Variants in ZDHHC13 observed in about 807,000 individuals in gnomAD.
ZDHHC13 encodes zDHHC palmitoyltransferase 13, also known as palmitoyltransferase ZDHHC13.
Under a neutral mutation model 86.0 loss-of-function variants are expected in ZDHHC13, and 85 were observed. That is an observed-to-expected ratio of 0.99 (90% confidence interval 0.83 to 1.18). The LOEUF (loss-of-function observed/expected upper bound fraction) is 1.18. Ranked by LOEUF, ZDHHC13 falls within the 50% of genes most tolerant of loss-of-function variation. The pLI, the probability that ZDHHC13 is intolerant of heterozygous loss-of-function variation, is 0.00. For missense variants in ZDHHC13, 711 were observed against 730.2 expected (o/e 0.97, Z 0.30); for synonymous variants, 263 against 246.4 (o/e 1.07, Z -0.63).
rs760527717 is a variant in ZDHHC13 at position 19,143,061 on chromosome 11, T to C, written c.111T>C (p.Asn37=). The C allele has an allele frequency of 2.5e-6, 4 of 1,613,154 alleles. No homozygotes were observed. The highest frequency in any genetic ancestry group is 3.3e-5 in the Admixed American group (2 of 59,868). The change falls in exon 2 of 17, where the codon AAT becomes AAC. Residue 37 remains asparagine, a synonymous_variant. Coordinates refer to ENST00000446113, the MANE Select transcript of ZDHHC13 (RefSeq NM_019028.3). Reference sequence around the variant, plus strand: ...CACATGAAAACAAAGAACTTGCCAATGCAAGAGAAGCTCTTCCTCTTATAG... The same window carrying C: ...CACATGAAAACAAAGAACTTGCCAACGCAAGAGAAGCTCTTCCTCTTATAG... ...ICAHENKELA[N]AREALPLIED...
At chr11:19,121,664 C>A (rs780625517) in intron 1 of ZDHHC13, among the ~76,000 whole-genome samples, 2 of 152,182 alleles carry the variant, frequency 1.3e-5, no homozygotes, top group Non-Finnish European at 2.9e-5. Context: ...ACATTGTAGG[C>A]AGCCATGTAG....
intron 9 of ZDHHC13, among the ~76,000 whole-genome samples, chr11:19,157,751 C>T (rs772647509): frequency 2.0e-5 from 3 of 152,122 alleles, no homozygotes; most frequent in Non-Finnish European, 4.4e-5. Flanking sequence ...TTTGGTTGTT[C>T]GTTTATTGTA....
At chr11:19,172,371 G>A (rs1025017962) in intron 15 of ZDHHC13, among the ~76,000 whole-genome samples, 2 of 151,982 alleles carry the variant, frequency 1.3e-5, no homozygotes, top group Non-Finnish European at 2.9e-5. Context: ...GTGCCCTGCC[G>A]CAGTTAGGTA....
intron 1 of ZDHHC13, among the ~76,000 whole-genome samples, chr11:19,137,429 G>A (rs1037382232): frequency 1.3e-5 from 2 of 151,926 alleles, no homozygotes; most frequent in Admixed American, 6.6e-5. Context: ...AGTCCTGAGC[G>A]ACCTACAAAG....
Position 19,164,377 on chromosome 11 carries a change from T to G in ZDHHC13, c.1296+14T>G. ...ACATCATGTCTTGTGAGTTTTTTCA[T>G]ATAATTTTTTTCCGTAGTGAAAGCA... On this transcript the variant is annotated intron_variant, in intron 12 of 16. Coordinates refer to ENST00000446113, the MANE Select transcript of ZDHHC13 (RefSeq NM_019028.3). 1 of 1,611,104 alleles carries G rather than the reference T, an allele frequency of 6.2e-7. No individual in the cohort carries two copies. The highest frequency in any genetic ancestry group is 1.7e-5 in the Admixed American group (1 of 59,692).
chr11:19,152,559 G>A lies in ZDHHC13; in HGVS notation c.748G>A (p.Gly250Arg). ...ACTTTTTACCCTACTCTTTTTTAAG[G>A]GAGAAACACCTCTTGATATGGCTCT... is the stretch of plus-strand genomic sequence containing the variant. ...GSSLDIQNVK[G>R]ETPLDMALQN... Residue 250 changes from glycine (G) to arginine (R), a missense_variant and splice_region_variant, in exon 8 of 17, where the codon GGA (glycine) becomes AGA (arginine). Gly to Arg is a moderately radical substitution (Grantham distance 125). Transcript: ENST00000446113. 6.2e-7 allele frequency: 1 copy of A among 1,603,254 alleles called. No homozygotes were observed. The highest frequency in any genetic ancestry group is 8.5e-7 in the Non-Finnish European group (1 of 1,176,048).
At chr11:19,132,316 T>G (rs1156858725) in intron 1 of ZDHHC13, among the ~76,000 whole-genome samples, 2 of 152,190 alleles carry the variant, frequency 1.3e-5, no homozygotes, top group Non-Finnish European at 2.9e-5. Context: ...TTATTCCAGA[T>G]ATAGTTCATC....
chr11:19,137,787 T>C (rs1269117791), intron 1 of ZDHHC13, among the ~76,000 whole-genome samples: 2 of 152,218 alleles, frequency 1.3e-5, no homozygotes, highest in Non-Finnish European at 2.9e-5. Flanking sequence ...ACATGGAAAC[T>C]GAACAACCTG....
At chr11:19,123,068 C>T (rs1424935460) in intron 1 of ZDHHC13, among the ~76,000 whole-genome samples, 1 of 152,212 alleles carries the variant, frequency 6.6e-6, no homozygotes, top group Non-Finnish European at 1.5e-5. Context: ...ACATATCTCC[C>T]TTATTAGACT....
chr11:19,170,603 A>G (rs766650937), intron 15 of ZDHHC13, 35 bp downstream of exon 15: 1 of 1,491,246 alleles, frequency 6.7e-7, no homozygotes, highest in East Asian at 2.5e-5. Context: ...GCTTTGAGTA[A>G]AATTTCTAAA....
At chr11:19,171,171 A>G (rs1051043051) in intron 15 of ZDHHC13, among the ~76,000 whole-genome samples, 2 of 152,128 alleles carry the variant, frequency 1.3e-5, no homozygotes, top group Non-Finnish European at 2.9e-5. Context: ...AGAGAAGGCC[A>G]TGGCCATTAG....
intron 1 of ZDHHC13, among the ~76,000 whole-genome samples, chr11:19,126,342 CTTTT>C (rs10629803): frequency 7.4e-6 from 1 of 135,572 alleles, no homozygotes; most frequent in Non-Finnish European, 1.5e-5. Flanking sequence ...TTTTCTTTTT[CTTTT>C]TTTTTTTTGC....
chr11:19,151,587 G>A (rs1406307805), intron 6 of ZDHHC13, among the ~76,000 whole-genome samples: 1 of 152,090 alleles, frequency 6.6e-6, no homozygotes, highest in African/African-American at 2.4e-5. Flanking sequence ...AATAAATAAA[G>A]TAGAATATTG....
intron 1 of ZDHHC13, chr11:19,118,075 G>C (rs1546327): frequency 0.59 from 89,534 of 152,098 alleles, 27,899 homozygotes; most frequent in Admixed American, 0.69. Flanking sequence ...TCCAGGTTCA[G>C]CCAGTTTTAG....
Position 19,163,399 on chromosome 11 carries a change from C to T in ZDHHC13, c.1205C>T (p.Thr402Ile), listed in dbSNP as rs765513003. The T allele has an allele frequency of 1.2e-5, 20 of 1,603,874 alleles. No individual in the cohort carries two copies. Among genetic ancestry groups the T allele is most frequent in the Non-Finnish European group, 1.7e-5 (20 of 1,176,158 alleles). Reference sequence around the variant, plus strand: ...ACTTGGGCAACTGATCCAGGCTTCACTAAGGCTTCTGAAGAAGAAAAGAAA... The same window carrying T: ...ACTTGGGCAACTGATCCAGGCTTCATTAAGGCTTCTGAAGAAGAAAAGAAA... ...YKTWATDPGF[T>I]KASEEEKKVN... is the part of the protein sequence containing the mutation. Residue 402 changes from threonine to isoleucine, a missense_variant, in exon 11 of 17, where the codon ACT becomes ATT. Coordinates refer to ENST00000446113, the MANE Select transcript of ZDHHC13 (RefSeq NM_019028.3).
At chr11:19,123,868 A>G (rs1457719254) in intron 1 of ZDHHC13, among the ~76,000 whole-genome samples, 1 of 152,156 alleles carries the variant, frequency 6.6e-6, no homozygotes, top group Non-Finnish European at 1.5e-5. Context: ...TTAGCCATCA[A>G]AGTGTCAAGG....
chr11:19,168,483 C>T (rs574863540), intron 14 of ZDHHC13: 2 of 152,298 alleles, frequency 1.3e-5, no homozygotes, highest in African/African-American at 4.8e-5. Flanking sequence ...TTTTCTCTGG[C>T]TCTGAACCAA....
chr11:19,145,023 C>A (rs1039116762), intron 2 of ZDHHC13, among the ~76,000 whole-genome samples: 9 of 152,012 alleles, frequency 5.9e-5, no homozygotes. Flanking sequence ...GCAGGAGAAT[C>A]GCTTCAACCT....
At chr11:19,128,875 G>A (rs142055427) in intron 1 of ZDHHC13, among the ~76,000 whole-genome samples, 149 of 152,256 alleles carry the variant, frequency 9.8e-4, no homozygotes, top group Non-Finnish European at 1.6e-3. Flanking sequence ...TTCGATCAAC[G>A]CCAGACCACA....
Sources: allele counts gnomAD v4.1 joint callset (sites outside exome capture counted in the v4.1 genomes callset), GRCh38; gene constraint gnomAD v4.1.1; transcripts MANE v1.5; gene names NCBI Gene and HGNC (gene_info 2026-07-23, HGNC 2026-07-21).